The following DSCAM variants were observed in gnomAD, a reference collection of about 807,000 sequenced individuals.
DSCAM encodes the protein DS cell adhesion molecule, also known as cell adhesion molecule DSCAM.
In DSCAM, 47 loss-of-function variants were observed where a neutral mutation model predicts 217.7. The observed-to-expected ratio is 0.22, with a 90% CI of 0.17 to 0.28. The LOEUF is 0.28. DSCAM is among the 10% of genes least tolerant of loss of function. The probability of loss-of-function intolerance (pLI) is 1.00; values close to 1 mark genes in which losing one functional copy is unlikely to be tolerated. For missense variants in DSCAM, 2,080 were observed against 2,618.3 expected (o/e 0.79, Z 4.49); for synonymous variants, 1,056 against 1,015.3 (o/e 1.04, Z -0.76).
chr21:40,402,222 A>G (rs2075242317), intron 3 of DSCAM, among the ~76,000 whole-genome samples: 1 of 149,756 alleles, frequency 6.7e-6, no homozygotes, highest in Non-Finnish European at 1.5e-5. Flanking sequence ...GCCCGCCACC[A>G]CGCCCGGCTA....
chr21:40,633,464 G>A (rs1358687545), intron 3 of DSCAM, among the ~76,000 whole-genome samples: 1 of 152,122 alleles, frequency 6.6e-6, no homozygotes, highest in African/African-American at 2.4e-5. Context: ...TCAGTAAATA[G>A]CATCTTAATA....
chr21:40,556,707 G>C (rs2076674709), intron 3 of DSCAM, among the ~76,000 whole-genome samples: 1 of 152,054 alleles, frequency 6.6e-6, no homozygotes, highest in South Asian at 2.1e-4. Flanking sequence ...TCTGGAGGGA[G>C]CTCACAGAGT....
chr21:40,665,946 G>C (rs2090194321), intron 3 of DSCAM, among the ~76,000 whole-genome samples: 1 of 147,802 alleles, frequency 6.8e-6, no homozygotes, highest in Non-Finnish European at 1.5e-5. Flanking sequence ...TGGGCCCTAA[G>C]GTGACTTAGA....
chr21:40,344,405 C>T (rs1601569926), intron 6 of DSCAM, among the ~76,000 whole-genome samples: 1 of 152,076 alleles, frequency 6.6e-6, no homozygotes, highest in African/African-American at 2.4e-5. Flanking sequence ...TCCGGCATGA[C>T]TTCATTTATC....
chr21:40,594,920 G>A (rs1002433713), intron 3 of DSCAM, among the ~76,000 whole-genome samples: 1 of 152,090 alleles, frequency 6.6e-6, no homozygotes, highest in Non-Finnish European at 1.5e-5. Flanking sequence ...CCAATTCTAT[G>A]TGCTCCCTGA....
rs191525573 is a variant in DSCAM, at chr21:40,491,634, C to T, written c.509-122389G>A. On this transcript the variant is annotated intron_variant, in intron 3 of 32. Coordinates refer to ENST00000400454, the MANE Select transcript of DSCAM (RefSeq NM_001389.5). ...CCTCTCTGTCCTACCTACCCTCCTT[C>T]TATAAACACCCCCACACCCAATTCA... 7.0e-4 allele frequency among the ~76,000 whole-genome samples: 106 copies of T among 152,300 alleles called. 1 individual carries two copies. The highest frequency in any genetic ancestry group is 9.2e-4 in the Admixed American group (14 of 15,290).
intron 32 of DSCAM, among the ~76,000 whole-genome samples, chr21:40,041,200 C>A (rs929764179): frequency 2.6e-5 from 4 of 152,088 alleles, no homozygotes; most frequent in African/African-American, 9.7e-5. Context: ...TGAAATGGAA[C>A]TAGAACAGTG....
rs370833282 is a variant in DSCAM at position 40,339,157 on chromosome 21, G to T, written c.1469C>A (p.Ala490Glu). The T allele has an allele frequency of 1.4e-5, 23 of 1,613,998 alleles. No individual in the cohort carries two copies. The African/African-American group carries it at 2.7e-4, about 19-fold the overall frequency. The change falls in exon 7 of 33, where the codon GCG (alanine) becomes GAG (glutamate). Residue 490 changes from alanine (A) to glutamate (E), a missense_variant. This residue lies in a region of DSCAM where 568 missense variants were observed against 678.1 expected (regional missense o/e 0.84). Coordinates refer to ENST00000400454, the MANE Select transcript of DSCAM (RefSeq NM_001389.5). ...TCGAGCCTGGTACAGGACGACTCCC[G>T]CCGAGTTGTTGGCAGTGCAGCGGTA... ...GVYRCTANNS[A>E]GVVLYQARIN... is the part of the protein sequence containing the mutation.
intron 3 of DSCAM, among the ~76,000 whole-genome samples, chr21:40,557,909 G>C (rs1395202850): frequency 1.3e-5 from 2 of 152,146 alleles, no homozygotes; most frequent in African/African-American, 4.8e-5. Flanking sequence ...CCAACAATGT[G>C]GATCAACAGG....
intron 32 of DSCAM, among the ~76,000 whole-genome samples, chr21:40,030,581 C>G (rs989460884): frequency 2.0e-5 from 3 of 152,164 alleles, no homozygotes. Flanking sequence ...AGAGTTCCCT[C>G]TGAACTACGA....
At chr21:40,318,078 C>T (rs1038051687) in intron 8 of DSCAM, among the ~76,000 whole-genome samples, 7 of 149,326 alleles carry the variant, frequency 4.7e-5, no homozygotes, top group African/African-American at 1.2e-4. Context: ...CTATCATTGT[C>T]GCAAGGACAA....
chr21:40,321,198 G>T (rs2074255176), intron 8 of DSCAM, among the ~76,000 whole-genome samples: 1 of 152,166 alleles, frequency 6.6e-6, no homozygotes, highest in South Asian at 2.1e-4. Context: ...GATGGTCTCA[G>T]CACCTCCTTT....
intron 32 of DSCAM, among the ~76,000 whole-genome samples, chr21:40,021,229 AAAG>A (rs1011701357): frequency 7.3e-5 from 11 of 151,626 alleles, no homozygotes; most frequent in Admixed American, 1.3e-4. Flanking sequence ...AAAAAAAAGA[AAAG>A]AAACATAGCT....
At chr21:40,629,941 G>A (rs1383145128) in intron 3 of DSCAM, among the ~76,000 whole-genome samples, 1 of 152,126 alleles carries the variant, frequency 6.6e-6, no homozygotes, top group African/African-American at 2.4e-5. Context: ...AATAGAAGAG[G>A]TAAATGACAA....
At chr21:40,812,207 G>A (rs1342813251) in intron 1 of DSCAM, among the ~76,000 whole-genome samples, 1 of 152,150 alleles carries the variant, frequency 6.6e-6, no homozygotes, top group Non-Finnish European at 1.5e-5. Context: ...CAAATCAACT[G>A]AGAGCCAGAA....
chr21:40,220,029 C>T (rs1043810012), intron 11 of DSCAM, among the ~76,000 whole-genome samples: 1 of 152,206 alleles, frequency 6.6e-6, no homozygotes, highest in African/African-American at 2.4e-5. Context: ...TTAACTTTTT[C>T]TAACAAACAG....
chr21:40,718,598 AT>A lies in DSCAM; in HGVS notation c.44-9828del, dbSNP rs2090868634. On this transcript the variant is annotated intron_variant, in intron 1 of 32. Coordinates refer to ENST00000400454, the MANE Select transcript of DSCAM (RefSeq NM_001389.5). ...AGCACGGGAATGACCTGCCCCCACG[AT>A]TCAATTACCTCCCACTGGGTCCCTC... is the stretch of plus-strand genomic sequence containing the variant. Among the ~76,000 whole-genome samples the A allele has an allele frequency of 2.0e-5, 3 of 152,114 alleles. No homozygotes were observed. In the South Asian group the frequency reaches 6.2e-4, roughly 32 times the overall value.
intron 3 of DSCAM, among the ~76,000 whole-genome samples, chr21:40,478,003 TATAGTCA>T (rs1262663081): frequency 1.3e-5 from 2 of 152,172 alleles, no homozygotes; most frequent in Non-Finnish European, 2.9e-5. Context: ...CATGCTTCTT[TATAGTCA>T]TTACTCTTCT....
chr21:40,482,403 T>C (rs993923498), intron 3 of DSCAM, among the ~76,000 whole-genome samples: 14 of 152,244 alleles, frequency 9.2e-5, no homozygotes, highest in African/African-American at 3.4e-4. Context: ...TTGTCATCTG[T>C]AGATATTTCA....
Sources: gnomAD v4.1 joint callset for allele counts (sites outside exome capture counted in the v4.1 genomes callset) on GRCh38, gnomAD v4.1.1 for gene constraint, gnomAD v4.1.1 regional missense constraint, MANE v1.5 for transcripts, NCBI Gene and HGNC (gene_info 2026-07-23, HGNC 2026-07-21) for gene names.